Variants in SH3RF1 observed in about 807,000 individuals in gnomAD.
The protein encoded by SH3RF1 is E3 ubiquitin-protein ligase SH3RF1.
Under a neutral mutation model 74.0 loss-of-function variants are expected in SH3RF1, and 32 were observed. The observed-to-expected ratio is 0.43, with a 90% CI of 0.33 to 0.58. SH3RF1 has a LOEUF of 0.58. Among genes scored for constraint, SH3RF1 ranks in the 20% least tolerant of loss-of-function variants. The pLI is 0.05. For missense variants in SH3RF1, 954 were observed against 1,130.9 expected (o/e 0.84, Z 2.24); for synonymous variants, 396 against 439.6 (o/e 0.90, Z 1.24).
At chr4:169,148,461 A>T (rs1260566228) in intron 4 of SH3RF1, among the ~76,000 whole-genome samples, 1 of 152,256 alleles carries the variant, frequency 6.6e-6, no homozygotes, top group East Asian at 1.9e-4. Flanking sequence ...ATTAAAGCAT[A>T]AGGAAAAAGA....
intron 2 of SH3RF1, among the ~76,000 whole-genome samples, chr4:169,157,639 A>C (rs1439493654): frequency 6.6e-6 from 1 of 152,164 alleles, no homozygotes; most frequent in Non-Finnish European, 1.5e-5. Flanking sequence ...CAAATCCAAC[A>C]TGTCTATAAT....
Position 169,116,510 on chromosome 4 carries a change from G to A in SH3RF1, c.1898C>T (p.Pro633Leu). 2 of 1,613,498 alleles carry A rather than the reference G, an allele frequency of 1.2e-6. No individual in the cohort carries two copies. Among genetic ancestry groups the A allele is most frequent in the Non-Finnish European group, 1.7e-6 (2 of 1,179,762 alleles). Residue 633 changes from proline to leucine, a missense_variant, in exon 10 of 12, where the codon CCT becomes CTT. Physicochemically the swap from Pro to Leu is moderately conservative, Grantham distance 98. Coordinates refer to ENST00000284637, the MANE Select transcript of SH3RF1 (RefSeq NM_020870.4). ...GGCTGAGCCTGGCATCAGAGGCGCA[G>A]GTTGTGGGGAGGCCAGCGAGTGATG... ...LSHHSLASPQ[P>L]APLMPGSATH...
At position 169,116,405 on chromosome 4, in the gene SH3RF1, C is replaced by T; in HGVS notation, c.2003G>A (p.Ser668Asn). 1 of 1,614,068 alleles carries T rather than the reference C, an allele frequency of 6.2e-7. No homozygotes were observed. Among genetic ancestry groups the T allele is most frequent in the Non-Finnish European group, 8.5e-7 (1 of 1,179,982 alleles). Residue 668 changes from serine to asparagine, a missense_variant, in exon 10 of 12, where the codon AGC (serine) becomes AAC (asparagine). Ser to Asn is a conservative substitution (Grantham distance 46). Transcript: ENST00000284637. ...AGCCTCCAGAGAAGCACTGGTGATG[C>T]TTGGGGAAGTCAGTGGAGCAGCTGC... The part of the protein sequence containing the change: ...CAAAAPLTSP[S>N]ITSASLEAEP...
At chr4:169,232,142 C>A (rs1272287826) in intron 2 of SH3RF1, among the ~76,000 whole-genome samples, 1 of 152,140 alleles carries the variant, frequency 6.6e-6, no homozygotes, top group African/African-American at 2.4e-5. Flanking sequence ...GTGGCCAGTA[C>A]GAGCGCTAGT....
chr4:169,183,015 T>C (rs72706481), intron 2 of SH3RF1, among the ~76,000 whole-genome samples: 7,403 of 151,944 alleles, frequency 0.049, 290 homozygotes, highest in South Asian at 0.19. Context: ...GGCAGGGAGT[T>C]GGGGCGGGGT....
chr4:169,130,159 G>T lies in SH3RF1; in HGVS notation c.1069-3C>A. ...AACCCGGTGGTACTTATATGAACCTGCCGAGAAAAGAAAAGTTATTAAAAA... is the reference window on the plus strand; with the variant it reads ...AACCCGGTGGTACTTATATGAACCTTCCGAGAAAAGAAAAGTTATTAAAAA... On this transcript the variant is annotated splice_polypyrimidine_tract_variant and splice_region_variant and intron_variant, in intron 5 of 11. Coordinates refer to ENST00000284637, the MANE Select transcript of SH3RF1 (RefSeq NM_020870.4). The T allele has an allele frequency of 6.5e-7, 1 of 1,547,992 alleles. No individual in the cohort carries two copies.
At chr4:169,130,469 TG>T (rs1191932135) in intron 5 of SH3RF1, among the ~76,000 whole-genome samples, 1 of 152,204 alleles carries the variant, frequency 6.6e-6, no homozygotes. Flanking sequence ...TGAATCAAAC[TG>T]GCCTTCCAAT....
Position 169,156,598 on chromosome 4 carries a change from C to T in SH3RF1, c.475G>A (p.Asp159Asn), listed in dbSNP as rs1405258274. ...ACTTGTCTTCGCAAAATGATGATGT[C>T]ACCTTTGCTGAATTTAAGGTCTCCA... ...EPGDLKFSKG[D>N]IIILRRQVDE... Residue 159 changes from aspartate (D) to asparagine (N), a missense_variant, in exon 3 of 12, where the codon GAC (aspartate) becomes AAC (asparagine). Coordinates refer to ENST00000284637, the MANE Select transcript of SH3RF1 (RefSeq NM_020870.4). The T allele has an allele frequency of 6.2e-7, 1 of 1,613,966 alleles. No homozygotes were observed. Among genetic ancestry groups the T allele is most frequent in the East Asian group, 2.2e-5 (1 of 44,872 alleles).
Position 169,269,238 on chromosome 4 carries a change from T to C in SH3RF1, c.-26A>G. ...CTTTATCTACTTTACTGAGAAAAAA[T>C]CTTCAGAAATGTTCATAGTTGTGTG... is the stretch of plus-strand genomic sequence containing the variant. On this transcript the variant is annotated 5_prime_UTR_variant, in exon 2 of 12. Coordinates refer to ENST00000284637, the MANE Select transcript of SH3RF1 (RefSeq NM_020870.4). 6.5e-7 allele frequency: 1 copy of C among 1,531,692 alleles called. No individual in the cohort carries two copies. The highest frequency in any genetic ancestry group is 2.3e-5 in the East Asian group (1 of 44,216). 94.9% of individuals were successfully genotyped at this position (1,531,692 alleles called of 1,614,324 possible).
chr4:169,124,585 T>G (rs1170178392), intron 6 of SH3RF1, among the ~76,000 whole-genome samples: 2 of 152,250 alleles, frequency 1.3e-5, no homozygotes, highest in Non-Finnish European at 2.9e-5. Flanking sequence ...ATTGGGCAGA[T>G]CTTTTCCCAG....
chr4:169,218,818 A>G (rs575579863), intron 2 of SH3RF1, among the ~76,000 whole-genome samples: 1 of 152,294 alleles, frequency 6.6e-6, no homozygotes, highest in South Asian at 2.1e-4. Context: ...ATTAATGGAA[A>G]GAAGCATTTA....
chr4:169,180,677 A>C (rs1734495147), intron 2 of SH3RF1, among the ~76,000 whole-genome samples: 1 of 152,190 alleles, frequency 6.6e-6, no homozygotes. Flanking sequence ...AATAATATTC[A>C]GTAAAAGCAC....
chr4:169,155,021 A>ATTGACTTAT (rs1734029126), intron 4 of SH3RF1, among the ~76,000 whole-genome samples: 1 of 152,180 alleles, frequency 6.6e-6, no homozygotes, highest in Non-Finnish European at 1.5e-5. Flanking sequence ...AGGAAGATTC[A>ATTGACTTAT]TTGACTTATT....
chr4:169,141,294 A>G (rs1733781831), intron 4 of SH3RF1, among the ~76,000 whole-genome samples: 1 of 152,152 alleles, frequency 6.6e-6, no homozygotes, highest in African/African-American at 2.4e-5. Context: ...AATCCATTCT[A>G]TTCTCTCATG....
At chr4:169,152,783 C>T (rs561489188) in intron 4 of SH3RF1, among the ~76,000 whole-genome samples, 5 of 152,262 alleles carry the variant, frequency 3.3e-5, no homozygotes, top group African/African-American at 4.8e-5. Flanking sequence ...GTACCACCAT[C>T]GCTATTTTAT....
At chr4:169,187,262 A>C (rs1369991670) in intron 2 of SH3RF1, among the ~76,000 whole-genome samples, 4 of 152,148 alleles carry the variant, frequency 2.6e-5, no homozygotes, top group Non-Finnish European at 5.9e-5. Flanking sequence ...GCAGTGGTGT[A>C]ATCTTGGCTC....
intron 4 of SH3RF1, 145 bp downstream of exon 4, chr4:169,155,335 T>G: frequency 1.7e-6 from 1 of 603,060 alleles, no homozygotes; most frequent in Non-Finnish European, 2.9e-6. Flanking sequence ...GATGGAGGAA[T>G]TCTTCCTGAT....
intron 2 of SH3RF1, among the ~76,000 whole-genome samples, chr4:169,183,366 C>T (rs1054331990): frequency 8.5e-5 from 13 of 152,280 alleles, no homozygotes; most frequent in Non-Finnish European, 1.6e-4. Context: ...CTGCAACCTC[C>T]GCCTCCCGGG....
intron 6 of SH3RF1, among the ~76,000 whole-genome samples, chr4:169,126,761 A>G (rs551080341): frequency 6.7e-6 from 1 of 149,364 alleles, no homozygotes; most frequent in African/African-American, 2.5e-5. Context: ...TTAAAAAAAA[A>G]TTTTTTTTTT....
Sources: allele counts gnomAD v4.1 joint callset (sites outside exome capture counted in the v4.1 genomes callset), GRCh38; gene constraint gnomAD v4.1.1; transcripts MANE v1.5; gene names NCBI Gene and HGNC (gene_info 2026-07-23, HGNC 2026-07-21).